The following PNPT1 variants were observed in gnomAD, a reference collection of about 807,000 sequenced individuals.
PNPT1 encodes polyribonucleotide nucleotidyltransferase 1, also known as polyribonucleotide nucleotidyltransferase 1, mitochondrial.
Under a neutral mutation model 119.5 loss-of-function variants are expected in PNPT1, and 53 were observed. The ratio of observed to expected loss-of-function variants is 0.44; its 90% confidence interval spans 0.36 to 0.56. PNPT1 has a LOEUF of 0.56. Among genes scored for constraint, PNPT1 ranks in the 20% least tolerant of loss-of-function variants. The pLI is 0.00. For synonymous variants in PNPT1, 357 were observed against 322.1 expected (o/e 1.11, Z -1.16); for missense variants, 948 against 938.5 (o/e 1.01, Z -0.13).
At position 55,693,695 on chromosome 2, in the gene PNPT1, C is replaced by T. The variant is rs1572843238; in HGVS notation, c.129G>A (p.Gly43=). 6.2e-7 allele frequency: 1 copy of T among 1,614,236 alleles called. No homozygotes were observed. Residue 43 remains glycine (G), a synonymous_variant, in exon 1 of 28, where the codon GGG becomes GGA. Coordinates refer to ENST00000447944, the MANE Select transcript of PNPT1 (RefSeq NM_033109.5). ...LQVRALWSSA[G]SRAVAVDLGN... is the part of the protein sequence containing the mutation. Reference sequence around the variant, plus strand: ...CTAAGTCCACGGCCACAGCTCGAGACCCTGCGCTACTCCATAGTGCTCGCA... The same window carrying T: ...CTAAGTCCACGGCCACAGCTCGAGATCCTGCGCTACTCCATAGTGCTCGCA...
Position 55,660,205 on chromosome 2 carries a change from A to C in PNPT1, c.1248-12T>G. On this transcript the variant is annotated splice_polypyrimidine_tract_variant and intron_variant, in intron 14 of 27. Transcript: ENST00000447944. Reference sequence around the variant, plus strand: ...TATCTTTTATCCCACTAAAAATAAAAGGCATAATATTAAAAACATCATAGG... The same window carrying C: ...TATCTTTTATCCCACTAAAAATAAACGGCATAATATTAAAAACATCATAGG... The C allele has an allele frequency of 5.0e-6, 8 of 1,584,328 alleles. No homozygotes were observed. Among genetic ancestry groups the C allele is most frequent in the Non-Finnish European group, 6.9e-6 (8 of 1,164,652 alleles).
At position 55,640,482 on chromosome 2, in the gene PNPT1, T is replaced by G. The variant is rs149809537; in HGVS notation, c.2148+145A>C. On this transcript the variant is annotated intron_variant, in intron 26 of 27. Transcript: ENST00000447944. ...TTCTTTATGCTAAACAATGTAAAAC[T>G]TTTTGCCAGCAGCATCTCTGCCACT... 7.9e-4 allele frequency: 571 copies of G among 719,848 alleles called. 5 individuals carry two copies. The East Asian group carries it at 0.014, about 18-fold the overall frequency. 44.6% of individuals were successfully genotyped at this position (719,848 alleles called of 1,614,324 possible).
intron 8 of PNPT1, among the ~76,000 whole-genome samples, chr2:55,673,867 C>T (rs900462513): frequency 2.6e-5 from 4 of 152,076 alleles, no homozygotes; most frequent in Non-Finnish European, 4.4e-5. Context: ...GGATTACAGG[C>T]GTGAGCCACT....
In PNPT1 at chr2:55,666,894, A is replaced by T; in HGVS notation, c.1176+97T>A. The T allele has an allele frequency of 5.4e-6, 4 of 741,426 alleles. No individual in the cohort carries two copies. The South Asian group carries it at 8.1e-5, about 15-fold the overall frequency. The allele number at this position is 741,426 out of a possible 1,614,324, so 45.9% of individuals were successfully genotyped here. A position where few individuals can be genotyped will look rare whatever the true frequency, so the allele number is the denominator to read the frequency against. On this transcript the variant is annotated intron_variant, in intron 13 of 27. Coordinates refer to ENST00000447944, the MANE Select transcript of PNPT1 (RefSeq NM_033109.5). ...TTAATTTAAATAAATAATATACACC[A>T]TATGACAAAACCTACAGCATCTACT...
chr2:55,681,317 G>C (rs1244731496), intron 5 of PNPT1, among the ~76,000 whole-genome samples: 1 of 152,086 alleles, frequency 6.6e-6, no homozygotes, highest in African/African-American at 2.4e-5. Flanking sequence ...TGAGGCAGAA[G>C]AATCTCTTCA....
At chr2:55,639,787 A>C (rs1399762199) in intron 26 of PNPT1, among the ~76,000 whole-genome samples, 1 of 152,018 alleles carries the variant, frequency 6.6e-6, no homozygotes. Context: ...CTTTGATATC[A>C]TGTTGAGGAG....
chr2:55,682,931 C>A (rs540992058), intron 5 of PNPT1, among the ~76,000 whole-genome samples: 9 of 152,192 alleles, frequency 5.9e-5, no homozygotes, highest in African/African-American at 2.2e-4. Flanking sequence ...ACAAAAAAAA[C>A]TTCCTGAGGC....
chr2:55,670,984 GTC>G (rs960110158), intron 11 of PNPT1, among the ~76,000 whole-genome samples: 6 of 144,752 alleles, frequency 4.1e-5, no homozygotes, highest in African/African-American at 1.5e-4. Flanking sequence ...AAAAAAAAAA[GTC>G]TATTATTTCT....
intron 15 of PNPT1, 134 bp from the exon 16 acceptor site, chr2:55,656,505 A>C: frequency 1.3e-6 from 1 of 758,998 alleles, no homozygotes; most frequent in Non-Finnish European, 2.1e-6. Flanking sequence ...TACATTCATA[A>C]ATATACAGAA....
chr2:55,692,728 G>A (rs1410963152), intron 1 of PNPT1, among the ~76,000 whole-genome samples: 1 of 152,102 alleles, frequency 6.6e-6, no homozygotes, highest in African/African-American at 2.4e-5. Context: ...CATATAACTG[G>A]CGTTCAAAAA....
intron 7 of PNPT1, among the ~76,000 whole-genome samples, chr2:55,680,035 G>A (rs892908825): frequency 6.6e-6 from 1 of 151,896 alleles, no homozygotes; most frequent in African/African-American, 2.4e-5. Flanking sequence ...GCTCATGTTT[G>A]TCCCCTGGTC....
At chr2:55,671,443 T>C in intron 10 of PNPT1, 67 bp from the exon 11 acceptor site, 1 of 947,730 alleles carries the variant, frequency 1.1e-6, no homozygotes, top group Non-Finnish European at 1.6e-6. Context: ...GTTTTCTAAT[T>C]ATTATACAAT....
At chr2:55,681,424 G>A (rs547171791) in intron 5 of PNPT1, among the ~76,000 whole-genome samples, 12 of 152,032 alleles carry the variant, frequency 7.9e-5, no homozygotes, top group East Asian at 1.9e-4. Flanking sequence ...ATAAATAAAC[G>A]GGAAAAATAA....
At chr2:55,649,377 T>C (rs1451182936) in intron 18 of PNPT1, among the ~76,000 whole-genome samples, 2 of 152,214 alleles carry the variant, frequency 1.3e-5, no homozygotes, top group Non-Finnish European at 2.9e-5. Context: ...TGAAAGCAAC[T>C]AAGACACTCA....
At chr2:55,638,326 A>G (rs1351749512) in intron 26 of PNPT1, among the ~76,000 whole-genome samples, 4 of 150,276 alleles carry the variant, frequency 2.7e-5, no homozygotes, top group African/African-American at 9.8e-5. Flanking sequence ...AAATCAGTTA[A>G]TTATAAAGAT....
chr2:55,656,435 T>C, intron 15 of PNPT1, 64 bp from the exon 16 acceptor site: 1 of 1,417,490 alleles, frequency 7.1e-7, no homozygotes, highest in Non-Finnish European at 9.7e-7. Context: ...CAAGTTATAT[T>C]ACCAAAATAA....
At chr2:55,685,478 T>C (rs2104175446) in intron 3 of PNPT1, among the ~76,000 whole-genome samples, 1 of 152,116 alleles carries the variant, frequency 6.6e-6, no homozygotes, top group East Asian at 1.9e-4. Context: ...CAGTGAACTA[T>C]GATCACACCA....
At chr2:55,659,976 A>G (rs1241901903) in intron 15 of PNPT1, among the ~76,000 whole-genome samples, 181 bp downstream of exon 15, 2 of 152,050 alleles carry the variant, frequency 1.3e-5, no homozygotes, top group Non-Finnish European at 2.9e-5. Flanking sequence ...TGGTTGCACA[A>G]GCCTGTAATC....
chr2:55,676,179 G>C (rs901128376), intron 8 of PNPT1, among the ~76,000 whole-genome samples: 1 of 141,210 alleles, frequency 7.1e-6, no homozygotes, highest in South Asian at 2.2e-4. Context: ...AGAATCGCTT[G>C]AACCTGGAGA....
Sources: gnomAD v4.1 joint callset for allele counts (sites outside exome capture counted in the v4.1 genomes callset) on GRCh38, gnomAD v4.1.1 for gene constraint, MANE v1.5 for transcripts, NCBI Gene and HGNC (gene_info 2026-07-23, HGNC 2026-07-21) for gene names.